MACF1: variants seen among roughly 807,000 people sequenced by gnomAD.
The protein encoded by MACF1 is microtubule-actin cross-linking factor 1.
MACF1 carries 193 observed loss-of-function variants against 854.8 expected under a neutral mutation model. The ratio of observed to expected loss-of-function variants is 0.23; its 90% confidence interval spans 0.20 to 0.25. The LOEUF is 0.25. Ranked by LOEUF, MACF1 falls within the 10% of genes least tolerant of loss-of-function variation. The probability of loss-of-function intolerance (pLI) is 1.00; values close to 1 mark genes in which losing one functional copy is unlikely to be tolerated. For missense variants in MACF1, 7,722 were observed against 8,929.1 expected, an observed-to-expected ratio of 0.86 and a Z score of 5.45; for synonymous variants, 3,185 against 3,226.7, an observed-to-expected ratio of 0.99 and a Z score of 0.44.
intron 1 of MACF1, chr1:39,206,672 T>C (rs1347439225): frequency 1.3e-5 from 2 of 152,204 alleles, no homozygotes; most frequent in Non-Finnish European, 2.9e-5. Context: ...CAAATAGTTA[T>C]ATCGGGAATG....
intron 2 of MACF1, among the ~76,000 whole-genome samples, chr1:39,140,067 C>T (rs1192606609): frequency 2.6e-5 from 4 of 151,946 alleles, no homozygotes; most frequent in Non-Finnish European, 5.9e-5. Context: ...GATTGTCCCA[C>T]TCCAGCCTCC....
chr1:39,440,106 C>CTTTTCTTTT (rs1553413974), intron 72 of MACF1, among the ~76,000 whole-genome samples: 6 of 68,246 alleles, frequency 8.8e-5, no homozygotes, highest in African/African-American at 3.9e-4. Flanking sequence ...CTTTTCTTTT[C>CTTTTCTTTT]TTTTCTTTTT....
At chr1:39,179,916 G>A (rs2148232160) in intron 2 of MACF1, among the ~76,000 whole-genome samples, 1 of 152,130 alleles carries the variant, frequency 6.6e-6, no homozygotes, top group African/African-American at 2.4e-5. Context: ...TCACGAGGCT[G>A]AGGCAGGAGA....
chr1:39,421,480 G>C (rs1643535496), intron 58 of MACF1, among the ~76,000 whole-genome samples: 1 of 152,156 alleles, frequency 6.6e-6, no homozygotes, highest in Admixed American at 6.5e-5. Context: ...GATTATTGTT[G>C]TGTGTGATCT....
At chr1:39,426,698 G>T (rs1451170270) in intron 61 of MACF1, among the ~76,000 whole-genome samples, 21 of 152,024 alleles carry the variant, frequency 1.4e-4, no homozygotes, top group Non-Finnish European at 5.9e-5. Flanking sequence ...GCCAAGCTTA[G>T]TTATGGATCT....
At chr1:39,164,827 A>G (rs1320583942) in intron 2 of MACF1, among the ~76,000 whole-genome samples, 2 of 152,224 alleles carry the variant, frequency 1.3e-5, no homozygotes, top group African/African-American at 4.8e-5. Flanking sequence ...TTACTGTGTC[A>G]ACACACCCCT....
Position 39,351,784 on chromosome 1 carries a change from C to T in MACF1, c.11199+766C>T, listed in dbSNP as rs560597150. On this transcript the variant is annotated intron_variant, in intron 43 of 100. Coordinates refer to ENST00000564288, the MANE Select transcript of MACF1 (RefSeq NM_001394062.1). ...GTATTTTTTAGTAGAGATGGGGTTT[C>T]ACCATGTGGACCCAGCTGTTCTCAA... Among the ~76,000 whole-genome samples, 3 of 152,018 alleles carry T rather than the reference C, an allele frequency of 2.0e-5. No individual in the cohort carries two copies. The South Asian group carries it at 6.2e-4, about 32-fold the overall frequency.
At chr1:39,295,004 T>C in intron 18 of MACF1, 42 bp from the exon 19 acceptor site, 1 of 1,437,806 alleles carries the variant, frequency 7.0e-7, no homozygotes, top group Non-Finnish European at 9.8e-7. Flanking sequence ...CGCTCCCCAC[T>C]GCCAAGAGTG....
intron 1 of MACF1, among the ~76,000 whole-genome samples, chr1:39,219,263 G>A (rs551125221): frequency 6.6e-6 from 1 of 152,138 alleles, no homozygotes; most frequent in East Asian, 1.9e-4. Context: ...GGACTGCATT[G>A]TATTGTCTTC....
chr1:39,245,777 T>A (rs572899046), intron 2 of MACF1, among the ~76,000 whole-genome samples: 4 of 152,264 alleles, frequency 2.6e-5, no homozygotes, highest in African/African-American at 9.6e-5. Flanking sequence ...TCATTCAGTG[T>A]CCTCCTGATT....
rs181867365 is a variant in MACF1, at chr1:39,471,088, G to A, written c.21958+1473G>A. On this transcript the variant is annotated intron_variant, in intron 97 of 100. Transcript: ENST00000564288. ...AAGACTTTCCTGTGTCTCTCCAGGA[G>A]TGCTCTCCTGGAACTCAGTAATCAT... Among the ~76,000 whole-genome samples, 6 of 152,258 alleles carry A rather than the reference G, an allele frequency of 3.9e-5. No individual in the cohort carries two copies. The East Asian group carries it at 1.2e-3, about 29-fold the overall frequency.
At chr1:39,281,436 T>G (rs1384770147) in intron 6 of MACF1, among the ~76,000 whole-genome samples, 1 of 152,142 alleles carries the variant, frequency 6.6e-6, no homozygotes, top group Non-Finnish European at 1.5e-5. Flanking sequence ...TTTATATTCT[T>G]TTTCTTAAAT....
chr1:39,469,716 A>C (rs1324773065), intron 97 of MACF1, 101 bp downstream of exon 97: 1 of 920,822 alleles, frequency 1.1e-6, no homozygotes, highest in Admixed American at 2.1e-5. Context: ...TATCTGCTGC[A>C]TTCATGAATG....
intron 31 of MACF1, among the ~76,000 whole-genome samples, 184 bp from the exon 32 acceptor site, chr1:39,322,423 CA>C (rs1646531546): frequency 6.6e-6 from 1 of 152,156 alleles, no homozygotes; most frequent in African/African-American, 2.4e-5. Flanking sequence ...TGGCTGCTTT[CA>C]CTTATAATGA....
intron 40 of MACF1, among the ~76,000 whole-genome samples, chr1:39,342,617 A>G (rs1569588917): frequency 6.7e-6 from 1 of 149,896 alleles, no homozygotes; most frequent in South Asian, 2.1e-4. Context: ...GCTCACTGCA[A>G]CCTCCATTCT....
intron 60 of MACF1, among the ~76,000 whole-genome samples, chr1:39,423,113 A>G (rs1414364380): frequency 6.6e-6 from 1 of 152,210 alleles, no homozygotes; most frequent in African/African-American, 2.4e-5. Context: ...TTACCTGTTC[A>G]TGTATCCTAT....
chr1:39,216,059 C>A (rs1411197219), intron 1 of MACF1, among the ~76,000 whole-genome samples: 1 of 152,030 alleles, frequency 6.6e-6, no homozygotes, highest in African/African-American at 2.4e-5. Flanking sequence ...GTGACTTAAC[C>A]TTTTTGGCCG....
At chr1:39,324,396 T>C in intron 34 of MACF1, 51 bp downstream of exon 34, 1 of 1,587,546 alleles carries the variant, frequency 6.3e-7, no homozygotes, top group Non-Finnish European at 8.6e-7. Flanking sequence ...TATGTGATAA[T>C]ACATTAGGTG....
In MACF1 at chr1:39,350,934, T is replaced by C; in HGVS notation, c.11115T>C (p.Tyr3705=). ...REKLHQAKEQ[Y]EALQEETRVA... is the part of the protein sequence containing the mutation. ...AGCTTCATCAGGCTAAGGAGCAATA[T>C]GAGGCGCTCCAGGAAGAGACACGTG... Residue 3705 remains tyrosine (Y), a synonymous_variant, in exon 43 of 101, where the codon TAT becomes TAC. Transcript: ENST00000564288. The C allele has an allele frequency of 6.2e-7, 1 of 1,614,068 alleles. No individual in the cohort carries two copies. The highest frequency in any genetic ancestry group is 8.5e-7 in the Non-Finnish European group (1 of 1,179,998).
Sources: gnomAD v4.1 joint callset for allele counts (sites outside exome capture counted in the v4.1 genomes callset) on GRCh38, gnomAD v4.1.1 for gene constraint, MANE v1.5 for transcripts, NCBI Gene and HGNC (gene_info 2026-07-23, HGNC 2026-07-21) for gene names.